Variants in CNTNAP2 observed in about 807,000 individuals in gnomAD.
CNTNAP2 encodes the protein contactin associated protein 2, also known as contactin-associated protein-like 2.
A neutral mutation model predicts 155.2 loss-of-function variants in CNTNAP2; 98 were observed. That is an observed-to-expected ratio of 0.63 (90% confidence interval 0.54 to 0.75). CNTNAP2 has a LOEUF of 0.75. Among genes scored for constraint, CNTNAP2 ranks in the 30% least tolerant of loss-of-function variants. The probability of loss-of-function intolerance (pLI) is 0.00; values close to 1 mark genes in which losing one functional copy is unlikely to be tolerated. For synonymous variants in CNTNAP2, 651 were observed against 631.2 expected (o/e 1.03, Z -0.47); for missense variants, 1,727 against 1,688.1 (o/e 1.02, Z -0.40).
chr7:147,903,534 T>C, intron 13 of CNTNAP2, 31 bp from the exon 14 acceptor site: 1 of 1,613,876 alleles, frequency 6.2e-7, no homozygotes, highest in Non-Finnish European at 8.5e-7. Flanking sequence ...CCCAGGTCTG[T>C]TTCTAAATAT....
chr7:147,629,844 A>G (rs1222683140), intron 12 of CNTNAP2, among the ~76,000 whole-genome samples: 1 of 152,172 alleles, frequency 6.6e-6, no homozygotes, highest in African/African-American at 2.4e-5. Context: ...AGGAAAATTC[A>G]TAGCATTAAA....
intron 12 of CNTNAP2, among the ~76,000 whole-genome samples, chr7:147,622,095 A>T (rs1332062145): frequency 6.6e-6 from 1 of 152,062 alleles, no homozygotes; most frequent in East Asian, 1.9e-4. Flanking sequence ...TAACAGTTTT[A>T]AATACATATG....
At chr7:146,539,958 C>T (rs1441958855) in intron 1 of CNTNAP2, among the ~76,000 whole-genome samples, 1 of 151,972 alleles carries the variant, frequency 6.6e-6, no homozygotes, top group African/African-American at 2.4e-5. Context: ...CACACCTGGA[C>T]AAAGGAGTGC....
rs1252900325 is a variant in CNTNAP2 at position 147,091,348 on chromosome 7, GA to G, written c.551-16794del. On this transcript the variant is annotated intron_variant, in intron 4 of 23. Transcript: ENST00000361727. ...AAAGCTGGCATCACTTTAATTTTCT[GA>G]AAAATGCTCTGCCTCAGCATGCTCT... Among the ~76,000 whole-genome samples the G allele has an allele frequency of 2.6e-5, 4 of 152,120 alleles. No homozygotes were observed. The South Asian group carries it at 8.3e-4, about 31-fold the overall frequency.
intron 8 of CNTNAP2, among the ~76,000 whole-genome samples, chr7:147,171,187 G>C (rs1802219178): frequency 1.3e-5 from 2 of 152,154 alleles, no homozygotes; most frequent in Admixed American, 6.5e-5. Flanking sequence ...CCTTCCTCAG[G>C]AGCCATTTGA....
intron 1 of CNTNAP2, among the ~76,000 whole-genome samples, chr7:146,157,449 G>A (rs1159262604): frequency 3.3e-5 from 5 of 152,050 alleles, no homozygotes; most frequent in African/African-American, 7.2e-5. Flanking sequence ...TGCCTCATTT[G>A]GGAAGCACAA....
intron 1 of CNTNAP2, among the ~76,000 whole-genome samples, chr7:146,726,499 T>C (rs990172257): frequency 6.6e-6 from 1 of 152,204 alleles, no homozygotes; most frequent in African/African-American, 2.4e-5. Context: ...AACAAGTGTT[T>C]GCTAAGCAAT....
At position 146,473,809 on chromosome 7, in the gene CNTNAP2, G is replaced by A. The variant is rs139856963; in HGVS notation, c.98-300462G>A. ...TCCACAATGGGATACAGTCTCCTGG[G>A]TCCCACAGGTTTGTCTCAAGTATTG... is the stretch of plus-strand genomic sequence containing the variant. On this transcript the variant is annotated intron_variant, in intron 1 of 23. Transcript: ENST00000361727. Among the ~76,000 whole-genome samples, 42 of 152,152 alleles carry A rather than the reference G, an allele frequency of 2.8e-4. 1 individual carries two copies. The East Asian group carries it at 7.3e-3, about 27-fold the overall frequency.
At chr7:146,558,694 T>C (rs1026117593) in intron 1 of CNTNAP2, among the ~76,000 whole-genome samples, 1 of 152,188 alleles carries the variant, frequency 6.6e-6, no homozygotes, top group African/African-American at 2.4e-5. Flanking sequence ...GGATACTGTA[T>C]CTCTAAGACT....
At chr7:147,965,782 A>G (rs1322388410) in intron 14 of CNTNAP2, among the ~76,000 whole-genome samples, 1 of 152,058 alleles carries the variant, frequency 6.6e-6, no homozygotes, top group African/African-American at 2.4e-5. Context: ...TCTGACTTGC[A>G]TTTAGTCCCA....
chr7:146,883,304 T>C (rs1795590656), intron 3 of CNTNAP2, among the ~76,000 whole-genome samples: 1 of 152,182 alleles, frequency 6.6e-6, no homozygotes, highest in African/African-American at 2.4e-5. Flanking sequence ...AGAGATAACT[T>C]TTAAAATTAT....
intron 3 of CNTNAP2, among the ~76,000 whole-genome samples, chr7:146,986,175 C>G (rs917548314): frequency 3.9e-5 from 6 of 152,206 alleles, no homozygotes; most frequent in African/African-American, 1.4e-4. Flanking sequence ...CTCCATGAGT[C>G]CCTAAAGTCC....
intron 1 of CNTNAP2, among the ~76,000 whole-genome samples, chr7:146,336,728 A>G (rs1178021971): frequency 6.6e-6 from 1 of 152,218 alleles, no homozygotes; most frequent in Non-Finnish European, 1.5e-5. Flanking sequence ...TGGTACATCT[A>G]TATCATGAAA....
intron 9 of CNTNAP2, among the ~76,000 whole-genome samples, chr7:147,320,213 C>G (rs913077017): frequency 6.6e-6 from 1 of 152,126 alleles, no homozygotes; most frequent in Non-Finnish European, 1.5e-5. Context: ...CATGGAGCCC[C>G]TTTCTTTAAG....
chr7:146,693,907 C>T (rs1014130515), intron 1 of CNTNAP2, among the ~76,000 whole-genome samples: 1 of 151,888 alleles, frequency 6.6e-6, no homozygotes, highest in African/African-American at 2.4e-5. Context: ...CCCGACCAGC[C>T]CCAGTGTGTG....
intron 1 of CNTNAP2, among the ~76,000 whole-genome samples, chr7:146,214,699 A>C (rs1799087480): frequency 6.6e-6 from 1 of 152,180 alleles, no homozygotes; most frequent in Non-Finnish European, 1.5e-5. Flanking sequence ...TTATTTTTCA[A>C]AAAGGCTTTA....
rs549568997 is a variant in CNTNAP2, at chr7:146,474,999, ACGCG to A, written c.98-299260_98-299257del. On this transcript the variant is annotated intron_variant, in intron 1 of 23. Transcript: ENST00000361727. ...AACATATGCCTGAGCACGAGCGCGC[ACGCG>A]CGCGCGCGCGCACACACACACACAC... Among the ~76,000 whole-genome samples the A allele has an allele frequency of 4.9e-3, 682 of 138,584 alleles. 5 individuals carry two copies. The highest frequency in any genetic ancestry group is 0.016 in the African/African-American group (627 of 38,870). 90.9% of individuals were successfully genotyped at this position (138,584 alleles called of 152,430 possible).
intron 1 of CNTNAP2, among the ~76,000 whole-genome samples, chr7:146,462,679 A>AT (rs960928741): frequency 4.6e-5 from 7 of 152,284 alleles, no homozygotes; most frequent in African/African-American, 1.4e-4. Context: ...AAGAAAGGAG[A>AT]TTTTTTAGTC....
intron 9 of CNTNAP2, among the ~76,000 whole-genome samples, chr7:147,309,143 A>G (rs1053226888): frequency 1.3e-5 from 2 of 152,188 alleles, no homozygotes; most frequent in Non-Finnish European, 2.9e-5. Context: ...GGTAGAAAGT[A>G]AACTATTTAT....
Sources: gnomAD v4.1 joint callset for allele counts (sites outside exome capture counted in the v4.1 genomes callset) on GRCh38, gnomAD v4.1.1 for gene constraint, MANE v1.5 for transcripts, NCBI Gene and HGNC (gene_info 2026-07-23, HGNC 2026-07-21) for gene names.